The following MEIS2 variants were observed in gnomAD, a reference collection of about 807,000 sequenced individuals.
The protein encoded by MEIS2 is homeobox protein Meis2.
A neutral mutation model predicts 58.6 loss-of-function variants in MEIS2; 9 were observed. The observed-to-expected ratio is 0.15, with a 90% CI of 0.09 to 0.27. The LOEUF is 0.27. Among genes scored for constraint, MEIS2 ranks in the 10% least tolerant of loss-of-function variants. MEIS2 has a pLI of 1.00. For missense variants in MEIS2, 427 were observed against 635.0 expected (o/e 0.67, Z 3.52); for synonymous variants, 221 against 228.4 (o/e 0.97, Z 0.29).
intron 9 of MEIS2, among the ~76,000 whole-genome samples, chr15:36,905,034 T>TTGTG (rs71126242): frequency 5.3e-5 from 8 of 151,146 alleles, no homozygotes; most frequent in South Asian, 2.1e-4. Flanking sequence ...TGTATGTGTA[T>TTGTG]TGTGTGTGTG....
At chr15:36,979,687 T>C (rs1036650861) in intron 8 of MEIS2, among the ~76,000 whole-genome samples, 1 of 147,460 alleles carries the variant, frequency 6.8e-6, no homozygotes, top group African/African-American at 2.5e-5. Flanking sequence ...CATTATTATA[T>C]ATAATATATA....
Position 37,059,873 on chromosome 15 carries a change from G to A in MEIS2, c.755-22914C>T, listed in dbSNP as rs1888960587. Among the ~76,000 whole-genome samples the A allele has an allele frequency of 3.9e-5, 6 of 152,162 alleles. 1 individual carries two copies. In the South Asian group the frequency reaches 1.2e-3, roughly 32 times the overall value. On this transcript the variant is annotated intron_variant, in intron 7 of 11. Transcript: ENST00000561208. The stretch of plus-strand genomic sequence containing the variant: ...AGAGAATCGCTTGCGCCTGGGAGGT[G>A]GAGGTTGCAGTTTGCTGAGATCATG...
chr15:37,038,039 G>A (rs989138964), intron 7 of MEIS2, among the ~76,000 whole-genome samples: 16 of 152,224 alleles, frequency 1.1e-4, no homozygotes, highest in Non-Finnish European at 1.9e-4. Flanking sequence ...GAAGTGGAGA[G>A]TTTATGCTCC....
chr15:37,097,447 A>G (rs2140098296), intron 2 of MEIS2: 1 of 153,196 alleles, frequency 6.5e-6, no homozygotes, highest in Non-Finnish European at 1.5e-5. Context: ...CCCTTTATTT[A>G]CAGAGAATTA....
chr15:37,083,731 T>C (rs370195177), intron 7 of MEIS2, 40 bp downstream of exon 7: 339 of 1,541,696 alleles, frequency 2.2e-4, no homozygotes, highest in Admixed American at 5.8e-4. Flanking sequence ...GTTATTTTAG[T>C]CATGCCTACT....
chr15:36,946,259 C>CT (rs1291270829), intron 9 of MEIS2, among the ~76,000 whole-genome samples: 14 of 151,240 alleles, frequency 9.3e-5, no homozygotes, highest in Admixed American at 7.9e-4. Context: ...AAATAACCTT[C>CT]TTTGTCTTTT....
Position 37,098,095 on chromosome 15 carries a change from C to A in MEIS2, c.117G>T (p.Leu39=). Residue 39 remains leucine, a synonymous_variant, in exon 2 of 12, where the codon CTG becomes CTT. Transcript: ENST00000561208. ...TGGCGTGGAGCGGCGGCCCGTGGTT[C>A]AGGTGGTGAACCGGGGGGATCGGCC... The part of the protein sequence containing the change: ...APRPIPPVHH[L]NHGPPLHATQ... 6.2e-7 allele frequency: 1 copy of A among 1,613,726 alleles called. No homozygotes were observed. Among genetic ancestry groups the A allele is most frequent in the East Asian group, 2.2e-5 (1 of 44,862 alleles).
chr15:36,946,259 CTTT>C (rs1449946792), intron 9 of MEIS2, among the ~76,000 whole-genome samples: 2 of 151,240 alleles, frequency 1.3e-5, no homozygotes, highest in Non-Finnish European at 2.9e-5. Flanking sequence ...AAATAACCTT[CTTT>C]GTCTTTTGTC....
intron 9 of MEIS2, among the ~76,000 whole-genome samples, chr15:36,930,068 T>C (rs2057910579): frequency 6.6e-6 from 1 of 151,842 alleles, no homozygotes; most frequent in Non-Finnish European, 1.5e-5. Flanking sequence ...CCGACTGCCA[T>C]GGTGGGCACC....
intron 9 of MEIS2, among the ~76,000 whole-genome samples, chr15:36,910,414 A>G (rs1293875549): frequency 6.6e-6 from 1 of 152,156 alleles, no homozygotes; most frequent in Admixed American, 6.5e-5. Context: ...AGCCTTTAAT[A>G]GAGTGATATA....
At chr15:36,936,809 G>T (rs151113268) in intron 9 of MEIS2, among the ~76,000 whole-genome samples, 1 of 152,304 alleles carries the variant, frequency 6.6e-6, no homozygotes, top group Non-Finnish European at 1.5e-5. Context: ...GTCAGGACTG[G>T]ATGGATAACA....
At chr15:36,946,216 C>G (rs937777590) in intron 9 of MEIS2, among the ~76,000 whole-genome samples, 2 of 151,832 alleles carry the variant, frequency 1.3e-5, no homozygotes, top group Non-Finnish European at 2.9e-5. Context: ...TGCAACTCAC[C>G]AAATGACTCA....
chr15:36,960,763 AAT>A (rs2059153089), intron 8 of MEIS2, among the ~76,000 whole-genome samples: 1 of 152,138 alleles, frequency 6.6e-6, no homozygotes, highest in African/African-American at 2.4e-5. Context: ...ATATTCTTAA[AAT>A]GTTTCAGAAT....
intron 8 of MEIS2, among the ~76,000 whole-genome samples, chr15:36,995,262 A>G (rs1018211197): frequency 6.6e-6 from 1 of 152,222 alleles, no homozygotes; most frequent in Non-Finnish European, 1.5e-5. Context: ...TTACTTAAAC[A>G]CTTTAAACAT....
intron 8 of MEIS2, among the ~76,000 whole-genome samples, chr15:37,018,053 A>G (rs2061408439): frequency 6.6e-6 from 1 of 152,208 alleles, no homozygotes; most frequent in African/African-American, 2.4e-5. Flanking sequence ...CCTAGGAGGA[A>G]GTATTATCAT....
At position 36,940,085 on chromosome 15, in the gene MEIS2, G is replaced by T. The variant is rs576251730; in HGVS notation, c.977+10239C>A. On this transcript the variant is annotated intron_variant, in intron 9 of 11. Coordinates refer to ENST00000561208, the MANE Select transcript of MEIS2 (RefSeq NM_170675.5). ...ACCCTAAGTAGGAGCTACAAGTACT[G>T]GTTGCTGAGATGGAACCAAAGTATG... Among the ~76,000 whole-genome samples, 5 of 152,272 alleles carry T rather than the reference G, an allele frequency of 3.3e-5. No individual in the cohort carries two copies. The East Asian group carries it at 9.6e-4, about 29-fold the overall frequency.
chr15:37,025,729 C>A (rs1431613664), intron 8 of MEIS2, among the ~76,000 whole-genome samples: 1 of 142,808 alleles, frequency 7.0e-6, no homozygotes, highest in East Asian at 2.1e-4. Context: ...AGCATGAAAT[C>A]ATTTTTCTGT....
intron 8 of MEIS2, among the ~76,000 whole-genome samples, chr15:37,022,943 C>G (rs2141680524): frequency 6.6e-6 from 1 of 152,346 alleles, no homozygotes; most frequent in Non-Finnish European, 1.5e-5. Context: ...GCGTGGTCCA[C>G]TGTGCCCAGC....
intron 8 of MEIS2, 61 bp downstream of exon 8, chr15:37,036,753 C>T (rs1008120244): frequency 2.1e-5 from 33 of 1,561,512 alleles, no homozygotes; most frequent in Non-Finnish European, 2.6e-5. Context: ...AGTATGAGAC[C>T]GTATAACTTG....
Sources: gnomAD v4.1 joint callset for allele counts (sites outside exome capture counted in the v4.1 genomes callset) on GRCh38, gnomAD v4.1.1 for gene constraint, MANE v1.5 for transcripts, NCBI Gene and HGNC (gene_info 2026-07-23, HGNC 2026-07-21) for gene names.